The following H1-8 variants were observed in gnomAD, a reference collection of about 807,000 sequenced individuals.
H1-8 encodes H1.8 linker histone.
Under a neutral mutation model 19.5 loss-of-function variants are expected in H1-8, and 13 were observed. That is an observed-to-expected ratio of 0.67 (90% CI 0.43 to 1.06). The LOEUF (loss-of-function observed/expected upper bound fraction) is 1.06. Ranked by LOEUF, H1-8 falls within the 50% of genes least tolerant of loss-of-function variation. The pLI is 0.00. For missense variants in H1-8, 432 were observed against 459.8 expected (o/e 0.94, Z 0.55); for synonymous variants, 193 against 187.6 (o/e 1.03, Z -0.24).
Position 129,547,787 on chromosome 3 carries a change from C to G in H1-8, c.378+107C>G. ...GGCCTTTCCCCTCCGGTCCCCTGTC[C>G]TTGTTCCTCCTGTGGTCTCAGCCGA... On this transcript the variant is annotated intron_variant, in intron 2 of 4. Transcript: ENST00000324382. 15 of 1,039,198 alleles carry G rather than the reference C, an allele frequency of 1.4e-5. 1 individual carries two copies. The highest frequency in any genetic ancestry group is 2.0e-5 in the Non-Finnish European group (15 of 737,388). 64.4% of individuals were successfully genotyped at this position (1,039,198 alleles called of 1,614,324 possible).
chr3:129,547,305 A>T, intron 1 of H1-8, 86 bp from the exon 2 acceptor site: 3 of 1,356,444 alleles, frequency 2.2e-6, no homozygotes, highest in Non-Finnish European at 3.0e-6. Flanking sequence ...TCCTTGCTGG[A>T]CCCTCACCCA....
intron 3 of H1-8, among the ~76,000 whole-genome samples, 198 bp from the exon 4 acceptor site, chr3:129,550,547 G>A (rs1163603408): frequency 6.6e-6 from 1 of 152,188 alleles, no homozygotes; most frequent in Non-Finnish European, 1.5e-5. Context: ...CAGCCACTCT[G>A]TGAGGGGCAT....
intron 2 of H1-8, 35 bp downstream of exon 2, chr3:129,547,715 T>G: frequency 6.7e-7 from 1 of 1,502,236 alleles, no homozygotes; most frequent in Non-Finnish European, 8.8e-7. Context: ...AGCCCAGGGT[T>G]GGAGCAATGG....
intron 2 of H1-8, chr3:129,548,548 C>T: frequency 1.1e-6 from 1 of 948,366 alleles, no homozygotes; most frequent in Non-Finnish European, 1.3e-6. Context: ...GCCAGGAGCC[C>T]TCCCTTCCCT....
In H1-8 at chr3:129,546,539, C is replaced by T. The variant is rs71333623; in HGVS notation, c.89-852C>T. Among the ~76,000 whole-genome samples, 986 of 152,262 alleles carry T rather than the reference C, an allele frequency of 6.5e-3. 6 individuals carry two copies. Among genetic ancestry groups the T allele is most frequent in the Non-Finnish European group, 0.01 (705 of 68,014 alleles). ...AATATTTACCTTTAACAGATAAGAG[C>T]CTTTTAAAAAGCAATTGTAATACCA... On this transcript the variant is annotated intron_variant, in intron 1 of 4. Coordinates refer to ENST00000324382, the MANE Select transcript of H1-8 (RefSeq NM_153833.3).
At chr3:129,547,213 G>C (rs1312796813) in intron 1 of H1-8, among the ~76,000 whole-genome samples, 178 bp from the exon 2 acceptor site, 1 of 152,118 alleles carries the variant, frequency 6.6e-6, no homozygotes, top group Admixed American at 6.5e-5. Context: ...AAAAGAGAGA[G>C]AGACTCAGTG....
At chr3:129,548,917 C>T (rs529935194) in intron 2 of H1-8, 84 bp from the exon 3 acceptor site, 1 of 1,500,012 alleles carries the variant, frequency 6.7e-7, no homozygotes, top group East Asian at 2.3e-5. Flanking sequence ...TGGAACGAGG[C>T]CTCCCATTCG....
In H1-8 at chr3:129,549,214, C is replaced by T. The variant is rs766105312; in HGVS notation, c.592C>T (p.Arg198Cys). 17 of 1,573,262 alleles carry T rather than the reference C, an allele frequency of 1.1e-5. No homozygotes were observed. Among genetic ancestry groups the T allele is most frequent in the East Asian group, 4.6e-5 (2 of 43,276 alleles). ...GCCAGGCGCAGCCACAGAGAAGGCT[C>T]GCAAGCAAGGCGGCGCGGCCAAGGA... ...PKPGAATEKA[R>C]KQGGAAKDTR... is the part of the protein sequence containing the mutation. Residue 198 changes from arginine (R) to cysteine (C), a missense_variant, in exon 3 of 5, where the codon CGC becomes TGC. Coordinates refer to ENST00000324382, the MANE Select transcript of H1-8 (RefSeq NM_153833.3).
chr3:129,545,266 T>C (rs2084879672), intron 1 of H1-8, among the ~76,000 whole-genome samples: 1 of 152,074 alleles, frequency 6.6e-6, no homozygotes, highest in Non-Finnish European at 1.5e-5. Context: ...CTCACGATAT[T>C]GCCCAGAATT....
Position 129,548,233 on chromosome 3 carries a change from C to A in H1-8, c.378+553C>A, listed in dbSNP as rs894502945. 9.6e-5 allele frequency: 68 copies of A among 706,982 alleles called. No homozygotes were observed. In the South Asian group the frequency reaches 2.0e-3, roughly 20 times the overall value. The allele number at this position is 706,982 out of a possible 1,614,324, so 43.8% of individuals were successfully genotyped here. The stretch of plus-strand genomic sequence containing the variant: ...GCTGGGTCCCCTGCATCTTGCCTAA[C>A]TTCCTGCATGTAGCAGCTGCCATGA... On this transcript the variant is annotated intron_variant, in intron 2 of 4. Transcript: ENST00000324382.
Position 129,551,092 on chromosome 3 carries a change from T to C in H1-8, c.808-15T>C, listed in dbSNP as rs1210019813. 6.2e-7 allele frequency: 1 copy of C among 1,603,494 alleles called. No individual in the cohort carries two copies. ...TTCCCAGCTGTCTCTTTGCTCCTGG[T>C]TTGCTTTCGTATAGGTCAAGAATGG... On this transcript the variant is annotated splice_polypyrimidine_tract_variant and intron_variant, in intron 4 of 4. Transcript: ENST00000324382.
Position 129,549,210 on chromosome 3 carries a change from G to A in H1-8, c.588G>A (p.Lys196=). The A allele has an allele frequency of 1.9e-6, 3 of 1,572,052 alleles. No homozygotes were observed. Among genetic ancestry groups the A allele is most frequent in the Non-Finnish European group, 2.6e-6 (3 of 1,158,192 alleles). ...CCAAGCCAGGCGCAGCCACAGAGAAGGCTCGCAAGCAAGGCGGCGCGGCCA... is the reference window on the plus strand; with the variant it reads ...CCAAGCCAGGCGCAGCCACAGAGAAAGCTCGCAAGCAAGGCGGCGCGGCCA... ...PPPKPGAATE[K]ARKQGGAAKD... is the part of the protein sequence containing the mutation. Residue 196 remains lysine (K), a synonymous_variant, in exon 3 of 5, where the codon AAG becomes AAA. Coordinates refer to ENST00000324382, the MANE Select transcript of H1-8 (RefSeq NM_153833.3).
intron 2 of H1-8, 85 bp from the exon 3 acceptor site, chr3:129,548,916 G>C: frequency 6.7e-7 from 1 of 1,501,010 alleles, no homozygotes; most frequent in African/African-American, 1.4e-5. Context: ...TTGGAACGAG[G>C]CCTCCCATTC....
intron 1 of H1-8, among the ~76,000 whole-genome samples, chr3:129,546,752 A>T (rs1179043769): frequency 2.6e-5 from 4 of 151,910 alleles, no homozygotes; most frequent in Non-Finnish European, 4.4e-5. Flanking sequence ...TTCCCCCCTT[A>T]TTTGTGGAAG....
At chr3:129,544,785 G>T (rs1190785879) in intron 1 of H1-8, among the ~76,000 whole-genome samples, 1 of 152,022 alleles carries the variant, frequency 6.6e-6, no homozygotes, top group Non-Finnish European at 1.5e-5. Context: ...TAGCACTGCA[G>T]CTGGGAGGGC....
Position 129,551,430 on chromosome 3 carries a change from A to G in H1-8, c.*90A>G, listed in dbSNP as rs1578293510. On this transcript the variant is annotated 3_prime_UTR_variant, in exon 5 of 5. Coordinates refer to ENST00000324382, the MANE Select transcript of H1-8 (RefSeq NM_153833.3). ...TGCTCTATTTATTTCATTGTAAGCT[A>G]TTTATCAATAAAGACTTTTGTTTCT... 4.9e-6 allele frequency: 4 copies of G among 817,160 alleles called. No homozygotes were observed. The East Asian group carries it at 8.0e-5, about 16-fold the overall frequency. 50.6% of individuals were successfully genotyped at this position (817,160 alleles called of 1,614,324 possible). A position where few individuals can be genotyped will look rare whatever the true frequency, so the allele number is the denominator to read the frequency against.
intron 1 of H1-8, among the ~76,000 whole-genome samples, chr3:129,546,683 T>C (rs536204161): frequency 1.1e-4 from 16 of 152,342 alleles, no homozygotes; most frequent in African/African-American, 3.6e-4. Context: ...GGAATGAGCA[T>C]TTGGTTGAGA....
chr3:129,551,270 G>A lies in H1-8; in HGVS notation c.971G>A (p.Gly324Asp), dbSNP rs769142840. 3 of 1,614,008 alleles carry A rather than the reference G, an allele frequency of 1.9e-6. No homozygotes were observed. The highest frequency in any genetic ancestry group is 2.7e-5 in the African/African-American group (2 of 74,952). ...TCCAGGAAGACAGAGGCCCCCAAGG[G>A]CCCTAGAAAGGCTGGGCTGCCCATC... is the stretch of plus-strand genomic sequence containing the variant. ...HLSRKTEAPKGPRKAGLPIKA... is the reference protein window; with the variant it reads ...HLSRKTEAPKDPRKAGLPIKA... The change falls in exon 5 of 5, where the codon GGC becomes GAC. Residue 324 changes from glycine (G) to aspartate (D), a missense_variant. Coordinates refer to ENST00000324382, the MANE Select transcript of H1-8 (RefSeq NM_153833.3).
Position 129,550,788 on chromosome 3 carries a change from T to C in H1-8, c.786T>C (p.Ser262=). 6.2e-7 allele frequency: 1 copy of C among 1,613,682 alleles called. No homozygotes were observed. The highest frequency in any genetic ancestry group is 2.2e-5 in the East Asian group (1 of 44,850). The change falls in exon 4 of 5, where the codon AGT becomes AGC. Residue 262 remains serine, a synonymous_variant. Coordinates refer to ENST00000324382, the MANE Select transcript of H1-8 (RefSeq NM_153833.3). ...AYRKTKAESK[S]SKPTASKVKN... is the part of the protein sequence containing the mutation. The stretch of plus-strand genomic sequence containing the variant: ...GGAAAACCAAAGCTGAGAGTAAGAG[T>C]TCAAAACCCACGGCCAGCAAGGTAG...
Sources: allele counts gnomAD v4.1 joint callset (sites outside exome capture counted in the v4.1 genomes callset), GRCh38; gene constraint gnomAD v4.1.1; transcripts MANE v1.5; gene names NCBI Gene and HGNC (gene_info 2026-07-23, HGNC 2026-07-21).